Variants in EPHA6 observed in about 807,000 individuals in gnomAD.
The protein encoded by EPHA6 is EPH receptor A6.
Under a neutral mutation model 112.0 loss-of-function variants are expected in EPHA6, and 50 were observed. That is an observed-to-expected ratio of 0.45 (90% CI 0.36 to 0.56). The LOEUF is 0.56. Ranked by LOEUF, EPHA6 falls within the 20% of genes least tolerant of loss-of-function variation. The pLI, the probability that EPHA6 is intolerant of heterozygous loss-of-function variation, is 0.00. For synonymous variants in EPHA6, 529 were observed against 490.7 expected (o/e 1.08, Z -1.03); for missense variants, 1,280 against 1,417.4 (o/e 0.90, Z 1.56).
chr3:97,377,299 G>A (rs925214226), intron 5 of EPHA6, among the ~76,000 whole-genome samples: 2 of 151,982 alleles, frequency 1.3e-5, no homozygotes. Flanking sequence ...ATTTCCTCTT[G>A]CCACCACCAT....
intron 3 of EPHA6, among the ~76,000 whole-genome samples, chr3:97,011,099 C>G (rs939528967): frequency 2.6e-5 from 4 of 152,056 alleles, no homozygotes; most frequent in African/African-American, 9.7e-5. Context: ...AGTAAGGTTT[C>G]ATAGAAGGAA....
intron 13 of EPHA6, among the ~76,000 whole-genome samples, chr3:97,635,595 CA>C (rs890452985): frequency 5.3e-5 from 8 of 151,924 alleles, no homozygotes; most frequent in African/African-American, 1.9e-4. Flanking sequence ...CCAGAATAGG[CA>C]AATATATAGA....
chr3:97,384,235 T>A (rs2085920808), intron 5 of EPHA6, among the ~76,000 whole-genome samples: 1 of 152,220 alleles, frequency 6.6e-6, no homozygotes, highest in South Asian at 2.1e-4. Flanking sequence ...TACATATTCC[T>A]CACAACCTGA....
In EPHA6 at chr3:97,093,544, C is replaced by T. The variant is rs556250811; in HGVS notation, c.1114+105551C>T. On this transcript the variant is annotated intron_variant, in intron 3 of 17. Transcript: ENST00000389672. The stretch of plus-strand genomic sequence containing the variant: ...CAGCCTGGGTGACACAGGAAGACTC[C>T]GTCTCAAAAAAAAATAAAATAAAAA... Among the ~76,000 whole-genome samples the T allele has an allele frequency of 2.8e-4, 42 of 151,172 alleles. 1 individual carries two copies. In the South Asian group the frequency reaches 7.7e-3, roughly 28 times the overall value.
intron 2 of EPHA6, among the ~76,000 whole-genome samples, chr3:96,900,780 G>C (rs1051550442): frequency 3.3e-5 from 5 of 152,204 alleles, no homozygotes; most frequent in African/African-American, 1.2e-4. Flanking sequence ...TTCAAAGACT[G>C]TTTTCAAAGA....
chr3:97,701,996 T>C (rs1009798017), intron 14 of EPHA6, among the ~76,000 whole-genome samples: 17 of 152,208 alleles, frequency 1.1e-4, no homozygotes, highest in Non-Finnish European at 1.2e-4. Flanking sequence ...TATCCTGCTC[T>C]GACAGTCTGA....
At position 97,759,722 on chromosome 3, in the gene EPHA6, T is replaced by G. The variant is rs1418060021; in HGVS notation, c.*11021T>G. 1 of 228,580 alleles carries G rather than the reference T, an allele frequency of 4.4e-6. No individual in the cohort carries two copies. Among genetic ancestry groups the G allele is most frequent in the African/African-American group, 2.2e-5 (1 of 45,094 alleles). 14.2% of individuals were successfully genotyped at this position (228,580 alleles called of 1,614,324 possible). On this transcript the variant is annotated 3_prime_UTR_variant, in exon 18 of 18. Transcript: ENST00000389672. The stretch of plus-strand genomic sequence containing the variant: ...CACTACGTAAGTTTTTTTTTAATTT[T>G]ACCAAGAATGAGATAAAAGCCAATA...
chr3:97,077,590 T>C (rs1576445146), intron 3 of EPHA6, among the ~76,000 whole-genome samples: 2 of 151,156 alleles, frequency 1.3e-5, no homozygotes, highest in Admixed American at 6.6e-5. Context: ...TCCCCGCCCT[T>C]TGTCCAAGTG....
intron 5 of EPHA6, among the ~76,000 whole-genome samples, chr3:97,402,426 C>G (rs75547413): frequency 0.048 from 7,232 of 152,090 alleles, 553 homozygotes; most frequent in African/African-American, 0.16. Context: ...CTGACATAAA[C>G]TCTATTTTAC....
intron 3 of EPHA6, among the ~76,000 whole-genome samples, chr3:97,013,233 T>A (rs2044152561): frequency 6.6e-6 from 1 of 152,186 alleles, no homozygotes. Context: ...GTGTGAGGTC[T>A]TATATAAATG....
At chr3:97,389,586 A>G (rs1422521383) in intron 5 of EPHA6, among the ~76,000 whole-genome samples, 1 of 150,556 alleles carries the variant, frequency 6.6e-6, no homozygotes, top group Non-Finnish European at 1.5e-5. Context: ...TACAAGGTTT[A>G]AAAGGTTTTA....
At chr3:97,211,185 C>T (rs1432507802) in intron 3 of EPHA6, among the ~76,000 whole-genome samples, 1 of 152,080 alleles carries the variant, frequency 6.6e-6, no homozygotes, top group Non-Finnish European at 1.5e-5. Context: ...AAGAAATTGT[C>T]AAAAGAACAT....
At chr3:97,683,240 T>C (rs1397043814) in intron 14 of EPHA6, among the ~76,000 whole-genome samples, 1 of 152,178 alleles carries the variant, frequency 6.6e-6, no homozygotes, top group Non-Finnish European at 1.5e-5. Context: ...ATAATTTTAA[T>C]TGAATTACAG....
intron 3 of EPHA6, among the ~76,000 whole-genome samples, chr3:97,177,637 T>G (rs2076873023): frequency 6.6e-6 from 1 of 151,994 alleles, no homozygotes; most frequent in South Asian, 2.1e-4. Flanking sequence ...TGCTCCAGTG[T>G]TTGGTTCATA....
At chr3:97,176,938 G>A (rs563557992) in intron 3 of EPHA6, among the ~76,000 whole-genome samples, 22 of 150,010 alleles carry the variant, frequency 1.5e-4, no homozygotes, top group Non-Finnish European at 2.7e-4. Flanking sequence ...GGTTTGGTTT[G>A]CTCTTGCTTT....
At chr3:97,724,396 G>A (rs2034663060) in intron 15 of EPHA6, among the ~76,000 whole-genome samples, 1 of 152,158 alleles carries the variant, frequency 6.6e-6, no homozygotes, top group Admixed American at 6.6e-5. Flanking sequence ...GGTACCATCT[G>A]CTTAGCCATT....
intron 11 of EPHA6, among the ~76,000 whole-genome samples, chr3:97,546,785 AAC>A (rs2092956445): frequency 6.6e-6 from 1 of 151,752 alleles, no homozygotes. Flanking sequence ...TTTTTCTCTA[AAC>A]TTCTCTTCTC....
intron 14 of EPHA6, chr3:97,646,349 G>A (rs1032038360): frequency 7.3e-7 from 1 of 1,375,922 alleles, no homozygotes; most frequent in Non-Finnish European, 9.6e-7. Context: ...TCCTATACAT[G>A]TAATATATAA....
intron 3 of EPHA6, among the ~76,000 whole-genome samples, chr3:97,216,460 A>G (rs2078037164): frequency 6.6e-6 from 1 of 152,190 alleles, no homozygotes; most frequent in African/African-American, 2.4e-5. Flanking sequence ...TCCAAACCAC[A>G]TCAATGTCAA....
Sources: gnomAD v4.1 joint callset for allele counts (sites outside exome capture counted in the v4.1 genomes callset) on GRCh38, gnomAD v4.1.1 for gene constraint, MANE v1.5 for transcripts, NCBI Gene and HGNC (gene_info 2026-07-23, HGNC 2026-07-21) for gene names.